The following TENM1 variants were observed in gnomAD, a reference collection of about 807,000 sequenced individuals.
TENM1 encodes the protein teneurin-1.
Under a neutral mutation model 174.8 loss-of-function variants are expected in TENM1, and 35 were observed. The observed-to-expected ratio is 0.20, with a 90% CI of 0.15 to 0.27. The LOEUF (loss-of-function observed/expected upper bound fraction) is 0.27. Ranked by LOEUF, TENM1 falls within the 10% of genes least tolerant of loss-of-function variation. The pLI, the probability that TENM1 is intolerant of heterozygous loss-of-function variation, is 1.00. For missense variants in TENM1, 1,633 were observed against 2,130.1 expected (o/e 0.77, Z 4.59); for synonymous variants, 781 against 798.7 (o/e 0.98, Z 0.37).
intron 3 of TENM1, among the ~76,000 whole-genome samples, chrX:124,848,909 G>A (rs2056664087): frequency 9.0e-6 from 1 of 111,511 alleles, no homozygotes; most frequent in South Asian, 3.7e-4. Flanking sequence ...TCTGGATAGG[G>A]GAAGGGGTAA....
chrX:124,530,382 A>G (rs1022503111), intron 15 of TENM1, among the ~76,000 whole-genome samples: 15 of 110,245 alleles, frequency 1.4e-4, no homozygotes, highest in African/African-American at 5.0e-4. Flanking sequence ...TATTTCCTTG[A>G]GAGAGAGTCC....
intron 11 of TENM1, among the ~76,000 whole-genome samples, chrX:124,572,649 A>G (rs1175513662): frequency 8.9e-6 from 1 of 111,775 alleles, no homozygotes; most frequent in Non-Finnish European, 1.9e-5. Flanking sequence ...AAAATTGAAC[A>G]TACAGGTAAA....
intron 6 of TENM1, 77 bp downstream of exon 9, chrX:124,671,606 G>T: frequency 9.9e-7 from 1 of 1,005,616 alleles, no homozygotes; most frequent in Non-Finnish European, 1.4e-6. Context: ...AATGTGAAGT[G>T]AAACCATCCC....
At chrX:124,502,422 C>T (rs919191483) in intron 19 of TENM1, among the ~76,000 whole-genome samples, 5 of 112,048 alleles carry the variant, frequency 4.5e-5, no homozygotes, top group African/African-American at 1.6e-4. Context: ...GGTCATTTCC[C>T]ACTTTGTGTT....
intron 4 of TENM1, among the ~76,000 whole-genome samples, chrX:124,706,483 G>T (rs1028093194): frequency 1.4e-4 from 16 of 111,361 alleles, no homozygotes; most frequent in Non-Finnish European, 2.4e-4. Flanking sequence ...TATTCCCAGA[G>T]AAAACCACTA....
At chrX:124,475,188 T>A (rs2061374083) in intron 22 of TENM1, among the ~76,000 whole-genome samples, 1 of 110,927 alleles carries the variant, frequency 9.0e-6, no homozygotes, top group Non-Finnish European at 1.9e-5. Context: ...GCTATCAAGA[T>A]GAAGAATCAT....
At chrX:124,419,572 C>T (rs140904771) in intron 25 of TENM1, among the ~76,000 whole-genome samples, 118 of 112,174 alleles carry the variant, frequency 1.1e-3, no homozygotes, top group Non-Finnish European at 1.7e-3. Context: ...TTCTGTGTTA[C>T]GGCACCTCCT....
chrX:125,097,133 G>A, the TENM1 span, among the ~76,000 whole-genome samples: 10 of 111,424 alleles, frequency 9.0e-5, no homozygotes, highest in Admixed American at 9.5e-4. Context: ...ATGTTAGAAG[G>A]TTGGCTACCC....
chrX:124,929,738 T>G lies in TENM1; in HGVS notation c.218-33497A>C, dbSNP rs73634541. 8.3e-3 allele frequency among the ~76,000 whole-genome samples: 928 copies of G among 111,755 alleles called. 10 individuals are homozygous for G. Among genetic ancestry groups the G allele is most frequent in the African/African-American group, 0.029 (899 of 30,753 alleles). Reference sequence around the variant, plus strand: ...CTGACATGGCTTTAGCATCCTAATTTCCCATAAGCTATGCCTCAGAATTAC... The same window carrying G: ...CTGACATGGCTTTAGCATCCTAATTGCCCATAAGCTATGCCTCAGAATTAC... On this transcript the variant is annotated intron_variant, in intron 1 of 31. Transcript: ENST00000422452.
At chrX:124,887,365 G>C (rs1473643461) in intron 3 of TENM1, among the ~76,000 whole-genome samples, 2 of 111,205 alleles carry the variant, frequency 1.8e-5, no homozygotes, top group Admixed American at 9.7e-5. Flanking sequence ...TGTAGTATGT[G>C]ATCCCATTTG....
In TENM1 at chrX:124,523,635, A is replaced by T. The variant is rs1376055333; in HGVS notation, c.2772-10T>A. 1 of 1,207,818 alleles carries T rather than the reference A, an allele frequency of 8.3e-7. No homozygotes were observed. Among genetic ancestry groups the T allele is most frequent in the Admixed American group, 2.2e-5 (1 of 45,790 alleles). ...GGCCACGAGGTCAAAGCTAAGAAGG[A>T]AAAACATAAGACAGTTGCAATCAAA... On this transcript the variant is annotated splice_polypyrimidine_tract_variant and intron_variant, in intron 16 of 31. Coordinates refer to ENST00000422452, the Ensembl canonical transcript of TENM1.
At chrX:124,518,473 T>C (rs1003135670) in intron 18 of TENM1, among the ~76,000 whole-genome samples, 1 of 110,540 alleles carries the variant, frequency 9.0e-6, no homozygotes, top group Non-Finnish European at 1.9e-5. Flanking sequence ...TTGCCTGTTA[T>C]ACTCACAACA....
chrX:124,751,499 T>C (rs1326347522), intron 3 of TENM1, among the ~76,000 whole-genome samples: 1 of 110,950 alleles, frequency 9.0e-6, no homozygotes, highest in Non-Finnish European at 1.9e-5. Context: ...TTTTATTTTA[T>C]TATTATTATA....
the TENM1 span, among the ~76,000 whole-genome samples, chrX:125,115,383 G>A: frequency 1.8e-5 from 2 of 111,346 alleles, no homozygotes; most frequent in Non-Finnish European, 3.8e-5. Flanking sequence ...TGGAAGTTCT[G>A]GCCAGGGCAA....
chrX:125,005,185 T>C, the TENM1 span, among the ~76,000 whole-genome samples: 1 of 62,210 alleles, frequency 1.6e-5, no homozygotes, highest in South Asian at 1.3e-3. Context: ...AAAAGATGTA[T>C]ACATACACAC....
chrX:124,851,640 C>A (rs1335927144), intron 3 of TENM1, among the ~76,000 whole-genome samples: 2 of 110,681 alleles, frequency 1.8e-5, no homozygotes, highest in African/African-American at 6.5e-5. Context: ...TATCCAAAAA[C>A]CATTTAACCT....
chrX:125,087,754 A>C, the TENM1 span, among the ~76,000 whole-genome samples: 1 of 111,571 alleles, frequency 9.0e-6, no homozygotes, highest in African/African-American at 3.3e-5. Flanking sequence ...GAACAATTCG[A>C]GAAACAAAAA....
At chrX:124,380,312 A>C (rs2060142055) in exon 32 of TENM1, 1 of 343,820 alleles carries the variant, frequency 2.9e-6, no homozygotes, top group Admixed American at 5.5e-5. Context: ...TACTTGTGTT[A>C]TTTTGAATAC....
intron 5 of TENM1, among the ~76,000 whole-genome samples, chrX:124,684,245 T>A (rs755409605): frequency 2.7e-5 from 3 of 111,974 alleles, no homozygotes; most frequent in Admixed American, 9.4e-5. Context: ...ACTTGAACAA[T>A]CATTCAGGCT....
Sources: gnomAD v4.1 joint callset for allele counts (sites outside exome capture counted in the v4.1 genomes callset) on GRCh38, gnomAD v4.1.1 for gene constraint, MANE v1.5 for transcripts, NCBI Gene and HGNC (gene_info 2026-07-23, HGNC 2026-07-21) for gene names.